Variants in XPO4 observed in about 807,000 individuals in gnomAD.
XPO4 encodes exportin-4.
XPO4 carries 39 observed loss-of-function variants against 143.0 expected under a neutral mutation model. The ratio of observed to expected loss-of-function variants is 0.27; its 90% confidence interval spans 0.21 to 0.36. XPO4 has a LOEUF of 0.36. XPO4 is among the 10% of genes least tolerant of loss of function. The pLI is 1.00. For synonymous variants in XPO4, 439 were observed against 474.0 expected (o/e 0.93, Z 0.96); for missense variants, 907 against 1,348.0 (o/e 0.67, Z 5.12).
At chr13:20,797,490 G>T (rs752278299) in intron 16 of XPO4, among the ~76,000 whole-genome samples, 7 of 152,046 alleles carry the variant, frequency 4.6e-5, no homozygotes, top group African/African-American at 1.7e-4. Flanking sequence ...GGCACAGAAC[G>T]TAACTTCAGA....
intron 6 of XPO4, among the ~76,000 whole-genome samples, chr13:20,829,716 GGA>G (rs2138002162): frequency 6.6e-6 from 1 of 152,256 alleles, no homozygotes; most frequent in Non-Finnish European, 1.5e-5. Flanking sequence ...AAGGAAATGA[GGA>G]GAGTCTCTCA....
chr13:20,787,365 T>G, intron 21 of XPO4, 116 bp downstream of exon 21: 1 of 971,004 alleles, frequency 1.0e-6, no homozygotes, highest in Non-Finnish European at 1.6e-6. Flanking sequence ...CAGGAAGTCA[T>G]GGTTTCCTTG....
intron 18 of XPO4, among the ~76,000 whole-genome samples, chr13:20,793,435 T>C (rs2059312198): frequency 6.6e-6 from 1 of 152,364 alleles, no homozygotes; most frequent in East Asian, 1.9e-4. Flanking sequence ...AATGCTTAGC[T>C]TTATTGTTTG....
chr13:20,866,303 AAG>A (rs1467958800), intron 2 of XPO4: 2 of 984,868 alleles, frequency 2.0e-6, no homozygotes, highest in Admixed American at 1.2e-4. Flanking sequence ...AAAGGATAAG[AAG>A]AGAAAGAAAT....
At chr13:20,892,021 TTTTTG>T (rs1402220724) in intron 1 of XPO4, among the ~76,000 whole-genome samples, 1 of 147,954 alleles carries the variant, frequency 6.8e-6, no homozygotes, top group Non-Finnish European at 1.5e-5. Context: ...GACAAGTTTT[TTTTTG>T]TTTTGTTTTG....
At chr13:20,868,279 G>A in intron 2 of XPO4, 1 of 197,140 alleles carries the variant, frequency 5.1e-6, no homozygotes, top group Non-Finnish European at 1.0e-5. Context: ...TACATACCCT[G>A]TAATAAATGA....
chr13:20,834,450 T>C (rs906044756), intron 6 of XPO4, among the ~76,000 whole-genome samples: 2 of 151,566 alleles, frequency 1.3e-5, no homozygotes, highest in Admixed American at 6.6e-5. Flanking sequence ...TGCGTGCCTA[T>C]AGTCCCAGTT....
chr13:20,798,674 T>A (rs1230732728), intron 16 of XPO4, among the ~76,000 whole-genome samples: 1 of 151,998 alleles, frequency 6.6e-6, no homozygotes, highest in African/African-American at 2.4e-5. Context: ...AGACAACATT[T>A]GTAAAATAAG....
At chr13:20,870,089 C>CAAAAAAAAAAA (rs59710121) in intron 1 of XPO4, among the ~76,000 whole-genome samples, 1 of 98,932 alleles carries the variant, frequency 1.0e-5, no homozygotes, top group African/African-American at 4.5e-5. Context: ...GAAGGAGTCT[C>CAAAAAAAAAAA]AAAAAAAAAA....
chr13:20,902,462 G>A (rs1450509645), intron 1 of XPO4: 2 of 985,322 alleles, frequency 2.0e-6, no homozygotes, highest in Non-Finnish European at 2.4e-6. Context: ...GCAGCCAGGG[G>A]AAGGGGACAG....
At chr13:20,870,041 A>C (rs1367361411) in intron 1 of XPO4, among the ~76,000 whole-genome samples, 3 of 146,168 alleles carry the variant, frequency 2.1e-5, no homozygotes, top group Non-Finnish European at 4.5e-5. Flanking sequence ...CAGAGGTTGC[A>C]GTGAGCTGAT....
chr13:20,840,654 A>C (rs368159443), intron 6 of XPO4, among the ~76,000 whole-genome samples: 2 of 151,792 alleles, frequency 1.3e-5, no homozygotes, highest in South Asian at 2.1e-4. Flanking sequence ...GTAATTTCCA[A>C]AATTAGAAAT....
rs571927134 is a variant in XPO4, at chr13:20,840,730, T to A, written c.727+2165A>T. On this transcript the variant is annotated intron_variant, in intron 6 of 22. Coordinates refer to ENST00000255305, the MANE Select transcript of XPO4 (RefSeq NM_022459.5). ...GTGCTAAATCTGTAGCTTAGTTTAA[T>A]CTCACTGCCAAGTTCTTTCTCCCAC... Among the ~76,000 whole-genome samples, 8 of 152,304 alleles carry A rather than the reference T, an allele frequency of 5.3e-5. No individual in the cohort carries two copies. The South Asian group carries it at 1.5e-3, about 28-fold the overall frequency.
At chr13:20,818,061 C>T (rs1367362391) in intron 9 of XPO4, among the ~76,000 whole-genome samples, 8 of 152,148 alleles carry the variant, frequency 5.3e-5, no homozygotes, top group East Asian at 1.9e-4. Context: ...TCCCAAGGTA[C>T]GGCCGTGAGC....
At chr13:20,898,895 C>T (rs2060593549) in intron 1 of XPO4, among the ~76,000 whole-genome samples, 1 of 152,164 alleles carries the variant, frequency 6.6e-6, no homozygotes, top group Non-Finnish European at 1.5e-5. Context: ...AAGAAACTCA[C>T]CTGGGCACAG....
chr13:20,798,029 A>G (rs926442860), intron 16 of XPO4, among the ~76,000 whole-genome samples: 5 of 152,012 alleles, frequency 3.3e-5, no homozygotes, highest in Non-Finnish European at 1.5e-5. Context: ...CTGTAATCCC[A>G]CCTACTTAGG....
intron 6 of XPO4, among the ~76,000 whole-genome samples, chr13:20,836,675 C>T (rs1008764044): frequency 6.6e-5 from 10 of 152,194 alleles, no homozygotes; most frequent in African/African-American, 1.4e-4. Context: ...TTCATTAAGA[C>T]ATAATTCACA....
chr13:20,892,954 G>A (rs1348328169), intron 1 of XPO4, among the ~76,000 whole-genome samples: 1 of 152,100 alleles, frequency 6.6e-6, no homozygotes, highest in Non-Finnish European at 1.5e-5. Context: ...CTTTCAGGCA[G>A]GCTAAGGAAG....
intron 4 of XPO4, among the ~76,000 whole-genome samples, chr13:20,855,164 A>C (rs946089618): frequency 2.0e-5 from 3 of 152,204 alleles, no homozygotes; most frequent in Admixed American, 6.5e-5. Context: ...ATATATATTT[A>C]AAAAGACTAG....
Sources: gnomAD v4.1 joint callset for allele counts (sites outside exome capture counted in the v4.1 genomes callset) on GRCh38, gnomAD v4.1.1 for gene constraint, MANE v1.5 for transcripts, NCBI Gene and HGNC (gene_info 2026-07-23, HGNC 2026-07-21) for gene names.